The following WTIP variants were observed in gnomAD, a reference collection of about 807,000 sequenced individuals.
WTIP encodes the protein Wilms tumor protein 1-interacting protein.
WTIP carries 23 observed loss-of-function variants against 41.7 expected under a neutral mutation model. The ratio of observed to expected loss-of-function variants is 0.55; its 90% CI spans 0.40 to 0.78. The LOEUF (loss-of-function observed/expected upper bound fraction) is 0.78. Ranked by LOEUF, WTIP falls within the 30% of genes least tolerant of loss-of-function variation. WTIP has a pLI of 0.00. For synonymous variants in WTIP, 314 were observed against 269.9 expected (o/e 1.16, Z -1.60); for missense variants, 619 against 610.5 (o/e 1.01, Z -0.15).
intron 2 of WTIP, among the ~76,000 whole-genome samples, chr19:34,491,683 C>T (rs2075825913): frequency 6.6e-6 from 1 of 151,254 alleles, no homozygotes; most frequent in Non-Finnish European, 1.5e-5. Context: ...GTCTCGCTCT[C>T]CCCGAGGCTG....
intron 1 of WTIP, 24 bp from the exon 2 acceptor site, chr19:34,490,350 GCT>G: frequency 6.2e-7 from 1 of 1,611,048 alleles, no homozygotes; most frequent in Non-Finnish European, 8.5e-7. Flanking sequence ...GCTAACCCCT[GCT>G]CTCTCCTGCC....
chr19:34,493,656 C>A lies in WTIP; in HGVS notation c.1031+34C>A, dbSNP rs370309189. 2 of 1,611,242 alleles carry A rather than the reference C, an allele frequency of 1.2e-6. No individual in the cohort carries two copies. Among genetic ancestry groups the A allele is most frequent in the South Asian group, 2.2e-5 (2 of 91,002 alleles). On this transcript the variant is annotated intron_variant, in intron 5 of 7. Coordinates refer to ENST00000590071, the MANE Select transcript of WTIP (RefSeq NM_001080436.2). The surrounding 1 kb of genome is among the most constrained non-coding windows in gnomAD (Gnocchi z 4.1). ...CTGGTGCTGTGGAGCAGGCGGGACT[C>A]GGGCCGTCCTCCCTGGCTCCTCTGG...
At chr19:34,492,566 G>A (rs758241163) in intron 2 of WTIP, among the ~76,000 whole-genome samples, 139 of 151,384 alleles carry the variant, frequency 9.2e-4, no homozygotes, top group Non-Finnish European at 1.7e-3. Context: ...CCAGGCACCT[G>A]TAGTCCCAGC....
At chr19:34,491,653 C>T (rs532133740) in intron 2 of WTIP, among the ~76,000 whole-genome samples, 1 of 150,656 alleles carries the variant, frequency 6.6e-6, no homozygotes, top group East Asian at 2.0e-4. Flanking sequence ...CTTGTACCCC[C>T]ACTTGTTTTT....
At chr19:34,494,038 A>G (rs2075840173) in intron 5 of WTIP, among the ~76,000 whole-genome samples, 1 of 152,006 alleles carries the variant, frequency 6.6e-6, no homozygotes, top group South Asian at 2.1e-4. Flanking sequence ...CTCCAGGTTT[A>G]TTCCTGGGAG....
At chr19:34,495,556 G>A (rs567210011) in intron 6 of WTIP, 147 bp from the exon 7 acceptor site, 29 of 803,594 alleles carry the variant, frequency 3.6e-5, no homozygotes, top group Admixed American at 2.4e-4. Flanking sequence ...AGCCTGTCCC[G>A]CCCCACAGAA....
chr19:34,484,412 C>T (rs1263137186), intron 1 of WTIP, among the ~76,000 whole-genome samples: 2 of 152,024 alleles, frequency 1.3e-5, no homozygotes, highest in Admixed American at 6.5e-5. Context: ...GGTGCGCCTG[C>T]TTTGGGATGG....
chr19:34,493,517 A>G lies in WTIP; in HGVS notation c.926A>G (p.Tyr309Cys), dbSNP rs2075836897. ...EMILQALGKSYHPGCFRCSVC... is the reference protein window; with the variant it reads ...EMILQALGKSCHPGCFRCSVC... ...ATCCTGCAGGCCCTGGGCAAGTCCTACCACCCAGGCTGCTTCCGGTGCTCC... is the reference window on the plus strand; with the variant it reads ...ATCCTGCAGGCCCTGGGCAAGTCCTGCCACCCAGGCTGCTTCCGGTGCTCC... Residue 309 changes from tyrosine (Y) to cysteine (C), a missense_variant, in exon 5 of 8, where the codon TAC becomes TGC. Around this residue, in one of 3 missense-constraint regions of WTIP, gnomAD observed 164 missense variants for 219.1 expected, o/e 0.75. Coordinates refer to ENST00000590071, the MANE Select transcript of WTIP (RefSeq NM_001080436.2). The surrounding 1 kb of genome is among the most constrained non-coding windows in gnomAD (Gnocchi z 4.1). 1 of 1,613,436 alleles carries G rather than the reference A, an allele frequency of 6.2e-7. No individual in the cohort carries two copies. Among genetic ancestry groups the G allele is most frequent in the Admixed American group, 1.7e-5 (1 of 60,002 alleles).
intron 1 of WTIP, among the ~76,000 whole-genome samples, chr19:34,487,594 G>T (rs1000472227): frequency 2.6e-5 from 4 of 152,236 alleles, no homozygotes; most frequent in African/African-American, 9.6e-5. Context: ...GATCAGAATG[G>T]AAAGTCCATA....
chr19:34,496,637 A>C (rs2910416), intron 7 of WTIP, among the ~76,000 whole-genome samples: 23,726 of 149,970 alleles, frequency 0.16, 2,456 homozygotes, highest in East Asian at 0.43. Context: ...TAGGCCGTAG[A>C]AAGGACTGGA....
In WTIP at chr19:34,490,363, T is replaced by G. The variant is rs779825948; in HGVS notation, c.668-13T>G. 1 of 1,613,354 alleles carries G rather than the reference T, an allele frequency of 6.2e-7. No homozygotes were observed. Among genetic ancestry groups the G allele is most frequent in the East Asian group, 2.2e-5 (1 of 44,892 alleles). ...GCGCTAACCCCTGCTCTCTCCTGCC[T>G]CTCCTCTCCTAGGCATTTGCATCAA... On this transcript the variant is annotated splice_polypyrimidine_tract_variant and intron_variant, in intron 1 of 7. Coordinates refer to ENST00000590071, the MANE Select transcript of WTIP (RefSeq NM_001080436.2).
intron 7 of WTIP, among the ~76,000 whole-genome samples, chr19:34,497,957 G>C (rs1044964815): frequency 6.6e-6 from 1 of 152,208 alleles, no homozygotes; most frequent in African/African-American, 2.4e-5. Flanking sequence ...CAGGCGGCTG[G>C]TGGTGGTGCT....
intron 7 of WTIP, among the ~76,000 whole-genome samples, chr19:34,496,188 A>G (rs1174174463): frequency 6.6e-6 from 1 of 152,176 alleles, no homozygotes; most frequent in Non-Finnish European, 1.5e-5. Flanking sequence ...ATTTTTATTT[A>G]TTAGAGACAA....
rs1285905914 is a variant in WTIP at position 34,511,203 on chromosome 19, G to A, written c.*10934G>A. 3 of 152,276 alleles carry A rather than the reference G, an allele frequency of 2.0e-5. No individual in the cohort carries two copies. The highest frequency in any genetic ancestry group is 7.2e-5 in the African/African-American group (3 of 41,428). 9.4% of individuals were successfully genotyped at this position (152,276 alleles called of 1,614,324 possible). On this transcript the variant is annotated 3_prime_UTR_variant, in exon 8 of 8. Transcript: ENST00000590071. ...GGGACTTGTAGCTCCACATGGCTGG[G>A]AGGCCTCAGAATCATGGCCTGAGGC...
intron 1 of WTIP, among the ~76,000 whole-genome samples, chr19:34,487,381 C>T (rs1439342774): frequency 6.6e-6 from 1 of 152,182 alleles, no homozygotes; most frequent in Admixed American, 6.6e-5. Flanking sequence ...GGATTACAGG[C>T]GTGAGCCACT....
At chr19:34,486,819 T>C (rs902815867) in intron 1 of WTIP, among the ~76,000 whole-genome samples, 1 of 152,170 alleles carries the variant, frequency 6.6e-6, no homozygotes, top group African/African-American at 2.4e-5. Flanking sequence ...CTCCAGTCCA[T>C]GTGGGTCTGA....
At chr19:34,491,027 C>T (rs866057105) in intron 2 of WTIP, among the ~76,000 whole-genome samples, 3 of 151,076 alleles carry the variant, frequency 2.0e-5, no homozygotes, top group African/African-American at 2.4e-5. Flanking sequence ...GGGGTTTTAC[C>T]ATGTTGGCCA....
chr19:34,483,801 T>G (rs573018495), intron 1 of WTIP, among the ~76,000 whole-genome samples: 1 of 152,172 alleles, frequency 6.6e-6, no homozygotes, highest in East Asian at 1.9e-4. Flanking sequence ...CCTTCTGTAT[T>G]AAGCACCTGG....
chr19:34,486,713 C>G (rs1225617879), intron 1 of WTIP, among the ~76,000 whole-genome samples: 1 of 152,034 alleles, frequency 6.6e-6, no homozygotes, highest in Non-Finnish European at 1.5e-5. Context: ...TTCCTCCCTC[C>G]TGGGACCCCT....
Sources: gnomAD v4.1 joint callset for allele counts (sites outside exome capture counted in the v4.1 genomes callset) on GRCh38, gnomAD v4.1.1 for gene constraint, gnomAD v4.1.1 regional missense constraint, Gnocchi (gnomAD v3.1) non-coding constraint, MANE v1.5 for transcripts, NCBI Gene and HGNC (gene_info 2026-07-23, HGNC 2026-07-21) for gene names.